KIRREL3: variants seen among roughly 807,000 people sequenced by gnomAD.
KIRREL3 encodes the protein kirre like nephrin family adhesion molecule 3.
Under a neutral mutation model 89.7 loss-of-function variants are expected in KIRREL3, and 36 were observed. The ratio of observed to expected loss-of-function variants is 0.40; its 90% CI spans 0.31 to 0.53. The LOEUF is 0.53. Ranked by LOEUF, KIRREL3 falls within the 20% of genes least tolerant of loss-of-function variation. The pLI is 0.49. For synonymous variants in KIRREL3, 445 were observed against 441.4 expected, an observed-to-expected ratio of 1.01 and a Z score of -0.10; for missense variants, 864 against 1,056.6, an observed-to-expected ratio of 0.82 and a Z score of 2.53.
At chr11:127,002,882 C>T (rs941494071), upstream of KIRREL3, 5 of 152,156 alleles carry the variant, frequency 3.3e-5, no homozygotes, top group Admixed American at 6.5e-5. Context: ...ATCAGGCACA[C>T]GTACAGGTGT....
At chr11:126,619,038 CA>C (rs113851394) in intron 1 of KIRREL3, among the ~76,000 whole-genome samples, 3,336 of 152,268 alleles carry the variant, frequency 0.022, 121 homozygotes, top group African/African-American at 0.074. Flanking sequence ...CCCTTGAAAA[CA>C]AAGTAAATAA....
rs10616492 is a variant in KIRREL3 at position 126,755,823 on chromosome 11, CAG to C, written c.56-192913_56-192912del. ...GCGTGCTCGCCATCTGCCATTCAGGCAGAGAGAGAGAGAGAGAGAGAGAGAGA... is the reference window on the plus strand; with the variant it reads ...GCGTGCTCGCCATCTGCCATTCAGGCAGAGAGAGAGAGAGAGAGAGAGAGA... On this transcript the variant is annotated intron_variant, in intron 1 of 16. Transcript: ENST00000525144. The surrounding 1 kb of genome is among the most constrained non-coding windows in gnomAD (Gnocchi z 4.3). 9.9e-3 allele frequency among the ~76,000 whole-genome samples: 1,461 copies of C among 147,978 alleles called. 43 individuals are homozygous for C. Among genetic ancestry groups the C allele is most frequent in the Non-Finnish European group, 6.6e-3 (445 of 67,178 alleles).
intron 1 of KIRREL3, among the ~76,000 whole-genome samples, chr11:126,842,168 G>A (rs56386104): frequency 0.25 from 37,333 of 151,966 alleles, 4,635 homozygotes; most frequent in Admixed American, 0.31. Flanking sequence ...GCTGTTCGGA[G>A]GGCCAGCTCT....
At chr11:126,980,814 G>T (rs1170639464) in intron 1 of KIRREL3, among the ~76,000 whole-genome samples, 1 of 152,194 alleles carries the variant, frequency 6.6e-6, no homozygotes, top group Non-Finnish European at 1.5e-5. Flanking sequence ...TGTTTTAAAA[G>T]TGATACTGGG....
chr11:126,572,317 C>T (rs1565561493), intron 1 of KIRREL3, among the ~76,000 whole-genome samples: 1 of 152,220 alleles, frequency 6.6e-6, no homozygotes. Context: ...GTTATACATA[C>T]AAGACTGATT....
intron 4 of KIRREL3, among the ~76,000 whole-genome samples, chr11:126,493,075 A>ACAGTGAGGTAGG (rs1045726697): frequency 6.6e-6 from 1 of 152,220 alleles, no homozygotes; most frequent in African/African-American, 2.4e-5. Context: ...CGTCACAAAG[A>ACAGTGAGGTAGG]CAGTGAGGTA....
At chr11:126,720,369 A>G (rs757604209) in intron 1 of KIRREL3, among the ~76,000 whole-genome samples, 10 of 152,186 alleles carry the variant, frequency 6.6e-5, no homozygotes, top group Non-Finnish European at 1.0e-4. Flanking sequence ...CCATGTTTGC[A>G]TGGTGGGGCT....
intron 1 of KIRREL3, among the ~76,000 whole-genome samples, chr11:126,972,063 G>C (rs781620382): frequency 1.3e-5 from 2 of 152,140 alleles, no homozygotes; most frequent in Non-Finnish European, 2.9e-5. Context: ...CTCCGGATGA[G>C]TTAGAGGGCA....
rs758142105 is a variant in KIRREL3 at position 126,689,475 on chromosome 11, C to A, written c.56-126563G>T. Among the ~76,000 whole-genome samples the A allele has an allele frequency of 1.3e-5, 2 of 152,194 alleles. No homozygotes were observed. Among genetic ancestry groups the A allele is most frequent in the Non-Finnish European group, 2.9e-5 (2 of 68,024 alleles). On this transcript the variant is annotated intron_variant, in intron 1 of 16. Coordinates refer to ENST00000525144, the MANE Select transcript of KIRREL3 (RefSeq NM_032531.4). This position sits in a 1 kb window ranked among gnomAD's most constrained non-coding sequence, Gnocchi z 5.2. The stretch of plus-strand genomic sequence containing the variant: ...AGGCCACTTCTGCTCCTTGCAAGCT[C>A]CAAAGAGGAGGTCTCCTATGCACCC...
chr11:126,710,948 A>G lies in KIRREL3; in HGVS notation c.56-148036T>C, dbSNP rs1451518991. On this transcript the variant is annotated intron_variant, in intron 1 of 16. Coordinates refer to ENST00000525144, the MANE Select transcript of KIRREL3 (RefSeq NM_032531.4). The surrounding 1 kb of genome is among the most constrained non-coding windows in gnomAD (Gnocchi z 4.2). ...TCTTCACAATGTGCAGGCTGTGATGAGGATGGTGGCTGCTGGGACGGCCAA... is the reference window on the plus strand; with the variant it reads ...TCTTCACAATGTGCAGGCTGTGATGGGGATGGTGGCTGCTGGGACGGCCAA... 6.6e-6 allele frequency among the ~76,000 whole-genome samples: 1 copy of G among 152,214 alleles called. No individual in the cohort carries two copies. The highest frequency in any genetic ancestry group is 1.5e-5 in the Non-Finnish European group (1 of 68,044).
At chr11:126,693,786 T>A (rs986798362) in intron 1 of KIRREL3, among the ~76,000 whole-genome samples, 1 of 152,232 alleles carries the variant, frequency 6.6e-6, no homozygotes, top group Non-Finnish European at 1.5e-5. Context: ...AGAGAAAAAG[T>A]GAGTGGAAAC....
rs1944996904 is a variant in KIRREL3, at chr11:126,653,580, A to C, written c.56-90668T>G. Among the ~76,000 whole-genome samples, 1 of 152,182 alleles carries C rather than the reference A, an allele frequency of 6.6e-6. No individual in the cohort carries two copies. The highest frequency in any genetic ancestry group is 2.1e-4 in the South Asian group (1 of 4,832). On this transcript the variant is annotated intron_variant, in intron 1 of 16. Coordinates refer to ENST00000525144, the MANE Select transcript of KIRREL3 (RefSeq NM_032531.4). This position sits in a 1 kb window ranked among gnomAD's most constrained non-coding sequence, Gnocchi z 5.4. Reference sequence around the variant, plus strand: ...AGCGGCACCGGAAGTGGCATTTTGCAAACTCCAATCCCCCAGGACCACATG... The same window carrying C: ...AGCGGCACCGGAAGTGGCATTTTGCCAACTCCAATCCCCCAGGACCACATG...
At chr11:126,451,537 AG>A (rs1461701924) in intron 7 of KIRREL3, among the ~76,000 whole-genome samples, 1 of 103,212 alleles carries the variant, frequency 9.7e-6, no homozygotes, top group Non-Finnish European at 2.0e-5. Flanking sequence ...TGCATGTGTG[AG>A]AGTGTGCATG....
In KIRREL3 at chr11:126,734,267, G is replaced by A. The variant is rs961346283; in HGVS notation, c.56-171355C>T. Among the ~76,000 whole-genome samples the A allele has an allele frequency of 2.0e-5, 3 of 152,192 alleles. No homozygotes were observed. Among genetic ancestry groups the A allele is most frequent in the Non-Finnish European group, 4.4e-5 (3 of 68,032 alleles). On this transcript the variant is annotated intron_variant, in intron 1 of 16. Transcript: ENST00000525144. The surrounding 1 kb of genome is among the most constrained non-coding windows in gnomAD (Gnocchi z 5.9). ...GCTCTACTTTTGGGATCTATGGCAG[G>A]TTCTTGGGGTCATTTATAAATAAGT...
rs1350883097 is a variant in KIRREL3 at position 126,683,538 on chromosome 11, GA to G, written c.56-120627del. Among the ~76,000 whole-genome samples, 1 of 152,192 alleles carries G rather than the reference GA, an allele frequency of 6.6e-6. No individual in the cohort carries two copies. Among genetic ancestry groups the G allele is most frequent in the East Asian group, 1.9e-4 (1 of 5,182 alleles). ...TTCTTTCTTATCTGCAAAATGGGAAGAGTAAGGGCACCCATCTTGGAGGAGA... is the reference window on the plus strand; with the variant it reads ...TTCTTTCTTATCTGCAAAATGGGAAGGTAAGGGCACCCATCTTGGAGGAGA... On this transcript the variant is annotated intron_variant, in intron 1 of 16. Coordinates refer to ENST00000525144, the MANE Select transcript of KIRREL3 (RefSeq NM_032531.4). The surrounding 1 kb of genome is among the most constrained non-coding windows in gnomAD (Gnocchi z 5.2).
rs1942300673 is a variant in KIRREL3 at position 126,594,589 on chromosome 11, A to T, written c.56-31677T>A. 6.6e-6 allele frequency among the ~76,000 whole-genome samples: 1 copy of T among 152,012 alleles called. No individual in the cohort carries two copies. Among genetic ancestry groups the T allele is most frequent in the Non-Finnish European group, 1.5e-5 (1 of 68,012 alleles). On this transcript the variant is annotated intron_variant, in intron 1 of 16. Transcript: ENST00000525144. This position sits in a 1 kb window ranked among gnomAD's most constrained non-coding sequence, Gnocchi z 5.0. ...CAACTGCTGGAGGGTCTGGGCGGTCATTTATCCTTGCTGGGCCTCAGAGGC... is the reference window on the plus strand; with the variant it reads ...CAACTGCTGGAGGGTCTGGGCGGTCTTTTATCCTTGCTGGGCCTCAGAGGC...
intron 1 of KIRREL3, among the ~76,000 whole-genome samples, chr11:126,894,127 G>A (rs1325546075): frequency 1.3e-5 from 2 of 152,200 alleles, no homozygotes; most frequent in Non-Finnish European, 2.9e-5. Flanking sequence ...GGGTGGTGTG[G>A]GTTTGAGAGA....
Position 126,430,168 on chromosome 11 carries a change from G to C in KIRREL3, c.1697-880C>G, listed in dbSNP as rs1317718919. Among the ~76,000 whole-genome samples, 2 of 151,552 alleles carry C rather than the reference G, an allele frequency of 1.3e-5. No homozygotes were observed. The highest frequency in any genetic ancestry group is 2.1e-4 in the South Asian group (1 of 4,816). ...AAAAAAAGGAAATTCTTGAGGAGCTGGTGCGGTGGCTCACGCCTGTAATCC... is the reference window on the plus strand; with the variant it reads ...AAAAAAAGGAAATTCTTGAGGAGCTCGTGCGGTGGCTCACGCCTGTAATCC... On this transcript the variant is annotated intron_variant, in intron 14 of 16. Coordinates refer to ENST00000525144, the MANE Select transcript of KIRREL3 (RefSeq NM_032531.4). The surrounding 1 kb of genome is among the most constrained non-coding windows in gnomAD (Gnocchi z 6.6).
Position 126,994,702 on chromosome 11 carries a change from C to T in KIRREL3, c.55+5753G>A, listed in dbSNP as rs1950127616. Among the ~76,000 whole-genome samples the T allele has an allele frequency of 6.6e-6, 1 of 152,158 alleles. No homozygotes were observed. Among genetic ancestry groups the T allele is most frequent in the African/African-American group, 2.4e-5 (1 of 41,434 alleles). On this transcript the variant is annotated intron_variant, in intron 1 of 16. Transcript: ENST00000525144. This position sits in a 1 kb window ranked among gnomAD's most constrained non-coding sequence, Gnocchi z 5.2. ...CCTAGCTCCTTCAGTGAGTTAGAAG[C>T]TATGAGTGAATGAAAGTTAACGTGC...
Sources: allele counts gnomAD v4.1 joint callset (sites outside exome capture counted in the v4.1 genomes callset), GRCh38; gene constraint gnomAD v4.1.1; non-coding constraint Gnocchi (gnomAD v3.1); transcripts MANE v1.5; gene names NCBI Gene and HGNC (gene_info 2026-07-23, HGNC 2026-07-21).